PRPF6: variants seen among roughly 807,000 people sequenced by gnomAD.
The protein encoded by PRPF6 is pre-mRNA-processing factor 6.
Under a neutral mutation model 118.3 loss-of-function variants are expected in PRPF6, and 42 were observed. That is an observed-to-expected ratio of 0.35 (90% CI 0.28 to 0.46). The LOEUF is 0.46. Among genes scored for constraint, PRPF6 ranks in the 20% least tolerant of loss-of-function variants. PRPF6 has a pLI of 1.00. For missense variants in PRPF6, 662 were observed against 1,255.7 expected, an observed-to-expected ratio of 0.53 and a Z score of 7.15; for synonymous variants, 481 against 485.1, an observed-to-expected ratio of 0.99 and a Z score of 0.11.
At chr20:63,999,831 G>A (rs747025350) in intron 8 of PRPF6, 72 bp downstream of exon 8, 70 of 1,556,746 alleles carry the variant, frequency 4.5e-5, no homozygotes, top group Non-Finnish European at 6.0e-5. Context: ...AAACTTGTTA[G>A]AGCAAATCTC....
Position 64,026,950 on chromosome 20 carries a change from G to C in PRPF6, c.2029-32G>C. On this transcript the variant is annotated intron_variant, in intron 15 of 20. Transcript: ENST00000266079. This position sits in a 1 kb window ranked among gnomAD's most constrained non-coding sequence, Gnocchi z 4.4. The stretch of plus-strand genomic sequence containing the variant: ...ATGAAGCACGTACCCTGGAGCTGAT[G>C]CCCTGCGTGACAGTGCATGTCTGCC... The C allele has an allele frequency of 2.5e-6, 4 of 1,613,080 alleles. No individual in the cohort carries two copies. Among genetic ancestry groups the C allele is most frequent in the Non-Finnish European group, 3.4e-6 (4 of 1,179,580 alleles).
chr20:64,025,175 GA>G (rs1267088290), intron 14 of PRPF6, among the ~76,000 whole-genome samples: 2 of 152,156 alleles, frequency 1.3e-5, no homozygotes, highest in Admixed American at 1.3e-4. Flanking sequence ...TAATATCATA[GA>G]GTGTGCCCTT....
At chr20:64,016,509 A>G (rs781297453) in intron 11 of PRPF6, among the ~76,000 whole-genome samples, 1 of 152,226 alleles carries the variant, frequency 6.6e-6, no homozygotes, top group East Asian at 1.9e-4. Flanking sequence ...TTTATTTTCT[A>G]GTGAACAGTG....
chr20:64,023,732 G>C (rs2059276091), intron 13 of PRPF6, among the ~76,000 whole-genome samples: 1 of 152,208 alleles, frequency 6.6e-6, no homozygotes, highest in Non-Finnish European at 1.5e-5. Flanking sequence ...TCTGTAGAAG[G>C]TCACCTGGGG....
In PRPF6 at chr20:64,006,755, C is replaced by A. The variant is rs150189549; in HGVS notation, c.1187-3445C>A. Among the ~76,000 whole-genome samples, 677 of 152,322 alleles carry A rather than the reference C, an allele frequency of 4.4e-3. 6 individuals are homozygous for A. Among genetic ancestry groups the A allele is most frequent in the African/African-American group, 0.016 (650 of 41,558 alleles). Reference sequence around the variant, plus strand: ...CTGTTTATTCCTAGACCCGTGTGTTCTGGCTGTGAGATCCAGCCGGGATTG... The same window carrying A: ...CTGTTTATTCCTAGACCCGTGTGTTATGGCTGTGAGATCCAGCCGGGATTG... On this transcript the variant is annotated intron_variant, in intron 9 of 20. Transcript: ENST00000266079.
At chr20:64,014,032 G>A (rs774598228) in intron 11 of PRPF6, among the ~76,000 whole-genome samples, 2 of 151,792 alleles carry the variant, frequency 1.3e-5, no homozygotes, top group Non-Finnish European at 1.5e-5. Context: ...TTGCTTCCTG[G>A]GCTCAAGCAA....
chr20:64,016,990 T>G, intron 12 of PRPF6, 145 bp downstream of exon 12: 1 of 1,122,236 alleles, frequency 8.9e-7, no homozygotes. Flanking sequence ...TCGCCCAGGC[T>G]GGAGTGCAGT....
At chr20:64,023,755 A>G (rs1233548640) in intron 13 of PRPF6, among the ~76,000 whole-genome samples, 1 of 152,170 alleles carries the variant, frequency 6.6e-6, no homozygotes, top group African/African-American at 2.4e-5. Flanking sequence ...GTCTGAGTGA[A>G]GAACAGGGCG....
chr20:63,993,226 A>ATGTG (rs61077852), intron 3 of PRPF6, among the ~76,000 whole-genome samples, 181 bp from the exon 4 acceptor site: 8,117 of 129,198 alleles, frequency 0.063, 269 homozygotes, highest in African/African-American at 0.077. Context: ...AAAAAAAAAA[A>ATGTG]TGTGTGTGTG....
chr20:64,005,221 A>G (rs2059184693), intron 9 of PRPF6, among the ~76,000 whole-genome samples: 1 of 152,170 alleles, frequency 6.6e-6, no homozygotes, highest in Non-Finnish European at 1.5e-5. Flanking sequence ...TGGGCTGCTG[A>G]TGAGATGCCA....
chr20:63,984,196 G>A (rs2059083642), intron 2 of PRPF6, among the ~76,000 whole-genome samples: 1 of 152,154 alleles, frequency 6.6e-6, no homozygotes, highest in South Asian at 2.1e-4. Context: ...CGAGGTGGGC[G>A]GATCATGAGG....
chr20:63,986,072 G>T (rs1302325070), intron 3 of PRPF6, among the ~76,000 whole-genome samples: 10 of 152,084 alleles, frequency 6.6e-5, no homozygotes, highest in Admixed American at 6.6e-4. Context: ...AGTGGATCAC[G>T]CCTGTAATTC....
intron 13 of PRPF6, 37 bp downstream of exon 13, chr20:64,022,915 G>A: frequency 6.2e-7 from 1 of 1,613,586 alleles, no homozygotes; most frequent in South Asian, 1.1e-5. Flanking sequence ...GGGTGCTAAT[G>A]AAACCTCCAG....
In PRPF6 at chr20:64,015,848, C is replaced by A. The variant is rs546249131; in HGVS notation, c.1525-875C>A. Among the ~76,000 whole-genome samples, 4 of 152,240 alleles carry A rather than the reference C, an allele frequency of 2.6e-5. No homozygotes were observed. In the South Asian group the frequency reaches 8.3e-4, roughly 32 times the overall value. On this transcript the variant is annotated intron_variant, in intron 11 of 20. Coordinates refer to ENST00000266079, the MANE Select transcript of PRPF6 (RefSeq NM_012469.4). ...AGCATCTTGAAAATAAGAATAGGGG[C>A]TGGGTGTGGTGGCTTATGCACTAAT...
rs559647630 is a variant in PRPF6 at position 64,024,600 on chromosome 20, C to G, written c.1815C>G (p.Pro605=). ...ALLQRAVAHC[P]KAEVLWLMGA... is the part of the protein sequence containing the mutation. ...TGCAGAGGGCTGTGGCCCACTGCCC[C>G]AAAGCAGAGGTGCTGTGGCTCATGG... Residue 605 remains proline (P), a synonymous_variant, in exon 14 of 21, where the codon CCC becomes CCG. Coordinates refer to ENST00000266079, the MANE Select transcript of PRPF6 (RefSeq NM_012469.4). The G allele has an allele frequency of 1.2e-6, 2 of 1,613,728 alleles. No individual in the cohort carries two copies. Among genetic ancestry groups the G allele is most frequent in the South Asian group, 2.2e-5 (2 of 91,088 alleles).
chr20:64,025,887 C>T (rs895059145), intron 14 of PRPF6, 52 bp from the exon 15 acceptor site: 24 of 1,612,796 alleles, frequency 1.5e-5, no homozygotes, highest in African/African-American at 4.0e-5. Flanking sequence ...TGTGATCAGG[C>T]GCTGGTCCCT....
Position 64,032,838 on chromosome 20 carries a change from C to T in PRPF6, c.2674-3C>T. On this transcript the variant is annotated splice_region_variant and splice_polypyrimidine_tract_variant and intron_variant, in intron 20 of 20. Transcript: ENST00000266079. ...TGCCTGACGTGCCCTGTGGTCCCCCCAGGAGCAGCAGGAGGAGGTGAGGAA... is the reference window on the plus strand; with the variant it reads ...TGCCTGACGTGCCCTGTGGTCCCCCTAGGAGCAGCAGGAGGAGGTGAGGAA... The T allele has an allele frequency of 6.2e-7, 1 of 1,606,082 alleles. No individual in the cohort carries two copies. The highest frequency in any genetic ancestry group is 8.5e-7 in the Non-Finnish European group (1 of 1,177,252).
At chr20:63,988,501 T>G (rs2059104720) in intron 3 of PRPF6, among the ~76,000 whole-genome samples, 1 of 148,582 alleles carries the variant, frequency 6.7e-6, no homozygotes, top group South Asian at 2.1e-4. Context: ...CATCTTAAAA[T>G]AAAAGAAAAT....
chr20:63,990,149 C>T (rs1160622699), intron 3 of PRPF6, among the ~76,000 whole-genome samples: 2 of 152,158 alleles, frequency 1.3e-5, no homozygotes, highest in Non-Finnish European at 1.5e-5. Flanking sequence ...CCACCGTGCC[C>T]AGTCTTGCCA....
Sources: allele counts gnomAD v4.1 joint callset (sites outside exome capture counted in the v4.1 genomes callset), GRCh38; gene constraint gnomAD v4.1.1; non-coding constraint Gnocchi (gnomAD v3.1); transcripts MANE v1.5; gene names NCBI Gene and HGNC (gene_info 2026-07-23, HGNC 2026-07-21).